The following FGF12 variants were observed in gnomAD, a reference collection of about 807,000 sequenced individuals.
FGF12 encodes the protein fibroblast growth factor 12.
A neutral mutation model predicts 23.6 loss-of-function variants in FGF12; 14 were observed. The ratio of observed to expected loss-of-function variants is 0.59; its 90% CI spans 0.39 to 0.93. The LOEUF (loss-of-function observed/expected upper bound fraction) is 0.93, where lower values mean the gene tolerates loss of function less well. FGF12 is among the 40% of genes least tolerant of loss of function. The pLI, the probability that FGF12 is intolerant of heterozygous loss-of-function variation, is 0.00. For synonymous variants in FGF12, 62 were observed against 77.3 expected (o/e 0.80, Z 1.04); for missense variants, 175 against 217.8 (o/e 0.80, Z 1.24).
At chr3:192,453,895 A>G (rs928887730) in intron 2 of FGF12, among the ~76,000 whole-genome samples, 1 of 152,236 alleles carries the variant, frequency 6.6e-6, no homozygotes, top group Non-Finnish European at 1.5e-5. Flanking sequence ...AGTATTTTTA[A>G]TAAGTATAAT....
chr3:192,565,042 T>G (rs1712213603), intron 2 of FGF12, among the ~76,000 whole-genome samples: 1 of 152,246 alleles, frequency 6.6e-6, no homozygotes, highest in Non-Finnish European at 1.5e-5. Flanking sequence ...CAGAGCTTTT[T>G]CACTTGGTGA....
At chr3:192,290,087 AG>A (rs1271163075) in intron 4 of FGF12, among the ~76,000 whole-genome samples, 1 of 152,108 alleles carries the variant, frequency 6.6e-6, no homozygotes, top group African/African-American at 2.4e-5. Flanking sequence ...AAGGGTACAA[AG>A]TTTTAGTTAG....
intron 2 of FGF12, among the ~76,000 whole-genome samples, chr3:192,437,722 A>AC (rs200713828): frequency 0.054 from 8,172 of 151,662 alleles, 247 homozygotes; most frequent in Non-Finnish European, 0.068. Context: ...AAACAAACAA[A>AC]AAAAAAAACA....
At chr3:192,407,020 G>A (rs1720981192) in intron 2 of FGF12, among the ~76,000 whole-genome samples, 1 of 152,190 alleles carries the variant, frequency 6.6e-6, no homozygotes, top group African/African-American at 2.4e-5. Flanking sequence ...CCACAACCCA[G>A]AAAACCAACA....
Position 192,348,225 on chromosome 3 carries a change from A to G in FGF12, c.124+12203T>C, listed in dbSNP as rs138946861. ...TGTGCATACATAGTCTCACATAGGT[A>G]TGTGTTCCAGATTCGGTCTCAATGT... On this transcript the variant is annotated intron_variant, in intron 3 of 5. Coordinates refer to ENST00000445105, the MANE Select transcript of FGF12 (RefSeq NM_004113.6). 1.9e-3 allele frequency among the ~76,000 whole-genome samples: 286 copies of G among 152,278 alleles called. 6 individuals are homozygous for G. The highest frequency in any genetic ancestry group is 0.018 in the Admixed American group (270 of 15,286).
At chr3:192,704,774 T>C (rs1157429790) in intron 2 of FGF12, among the ~76,000 whole-genome samples, 1 of 152,234 alleles carries the variant, frequency 6.6e-6, no homozygotes, top group African/African-American at 2.4e-5. Context: ...ATCTGCTGTT[T>C]AGTGTAGCCA....
chr3:192,355,527 G>C (rs983612013), intron 3 of FGF12, among the ~76,000 whole-genome samples: 2 of 152,204 alleles, frequency 1.3e-5, no homozygotes, highest in African/African-American at 4.8e-5. Flanking sequence ...ACCCAAGGTT[G>C]AACAAAGTTT....
intron 5 of FGF12, among the ~76,000 whole-genome samples, chr3:192,146,502 C>T (rs1713729531): frequency 6.6e-6 from 1 of 152,102 alleles, no homozygotes; most frequent in Non-Finnish European, 1.5e-5. Flanking sequence ...ATCTCCTAAC[C>T]TCGTGATCCA....
In FGF12 at chr3:192,270,320, A is replaced by G. The variant is rs1337436124; in HGVS notation, c.228+65041T>C. ...TTAATTTCCTGCACCTTAGTTGGTA[A>G]CTGTTAAATCAATTCATGAGCAAAG... On this transcript the variant is annotated intron_variant, in intron 4 of 5. Coordinates refer to ENST00000445105, the MANE Select transcript of FGF12 (RefSeq NM_004113.6). 2.6e-5 allele frequency among the ~76,000 whole-genome samples: 4 copies of G among 152,198 alleles called. No individual in the cohort carries two copies. In the East Asian group the frequency reaches 7.7e-4, roughly 29 times the overall value.
At chr3:192,462,713 C>T (rs1299556302) in intron 2 of FGF12, among the ~76,000 whole-genome samples, 2 of 151,992 alleles carry the variant, frequency 1.3e-5, no homozygotes, top group Non-Finnish European at 2.9e-5. Flanking sequence ...ACTGAGAGGA[C>T]ATTAGGTACA....
At chr3:192,215,050 C>T (rs1718121621) in intron 4 of FGF12, among the ~76,000 whole-genome samples, 1 of 152,158 alleles carries the variant, frequency 6.6e-6, no homozygotes, top group Admixed American at 6.5e-5. Context: ...AGGGGCCAAT[C>T]CTCTTCAGCC....
intron 2 of FGF12, among the ~76,000 whole-genome samples, chr3:192,553,017 G>T (rs1711599530): frequency 6.6e-6 from 1 of 152,148 alleles, no homozygotes; most frequent in Admixed American, 6.5e-5. Context: ...ACGGTCAGTG[G>T]AAATACTTCA....
chr3:192,335,498 G>T, intron 3 of FGF12, 34 bp from the exon 4 acceptor site: 3 of 1,271,376 alleles, frequency 2.4e-6, no homozygotes, highest in Non-Finnish European at 3.4e-6. Context: ...GAAAGGATCA[G>T]TGACCTTTTG....
intron 2 of FGF12, among the ~76,000 whole-genome samples, chr3:192,554,207 C>T (rs1711657844): frequency 3.3e-5 from 5 of 152,168 alleles, no homozygotes; most frequent in African/African-American, 9.7e-5. Context: ...AGGCCTATGC[C>T]ATTTGGTGGT....
At chr3:192,506,221 G>T (rs1243508401) in intron 2 of FGF12, among the ~76,000 whole-genome samples, 9 of 152,344 alleles carry the variant, frequency 5.9e-5, no homozygotes, top group Admixed American at 5.2e-4. Flanking sequence ...TTGTGGAAGA[G>T]AAGTTGGGGG....
intron 4 of FGF12, among the ~76,000 whole-genome samples, chr3:192,236,541 T>C (rs960099019): frequency 6.6e-6 from 1 of 152,230 alleles, no homozygotes; most frequent in Non-Finnish European, 1.5e-5. Context: ...AGTGTTCCAG[T>C]GTTGGGTGCA....
In FGF12 at chr3:192,408,477, G is replaced by C; in HGVS notation, c.14-47939C>G. 2 of 1,345,034 alleles carry C rather than the reference G, an allele frequency of 1.5e-6. No homozygotes were observed. Among genetic ancestry groups the C allele is most frequent in the Non-Finnish European group, 1.9e-6 (2 of 1,051,934 alleles). The allele number at this position is 1,345,034 out of a possible 1,614,324, so 83.3% of individuals were successfully genotyped here. A position where few individuals can be genotyped will look rare whatever the true frequency, so the allele number is the denominator to read the frequency against. ...TGGCGGCCGGGGGGCGGGGCGGGGC[G>C]GTCCCAGGCCCTCTTGCGAAGTAGA... On this transcript the variant is annotated intron_variant, in intron 2 of 5. Transcript: ENST00000445105. The surrounding 1 kb of genome is among the most constrained non-coding windows in gnomAD (Gnocchi z 7.3).
intron 4 of FGF12, among the ~76,000 whole-genome samples, chr3:192,219,478 C>T (rs1718365035): frequency 6.6e-6 from 1 of 152,124 alleles, no homozygotes; most frequent in South Asian, 2.1e-4. Context: ...GAAAAACCCC[C>T]AGAAATATTT....
intron 2 of FGF12, among the ~76,000 whole-genome samples, chr3:192,625,573 A>G (rs888430152): frequency 6.6e-6 from 1 of 152,174 alleles, no homozygotes; most frequent in African/African-American, 2.4e-5. Flanking sequence ...AGTGTCAAAC[A>G]CTAATGCTTT....
Sources: gnomAD v4.1 joint callset for allele counts (sites outside exome capture counted in the v4.1 genomes callset) on GRCh38, gnomAD v4.1.1 for gene constraint, Gnocchi (gnomAD v3.1) non-coding constraint, MANE v1.5 for transcripts, NCBI Gene and HGNC (gene_info 2026-07-23, HGNC 2026-07-21) for gene names.